STX3: variants seen among roughly 807,000 people sequenced by gnomAD.
STX3 encodes syntaxin 3.
Under a neutral mutation model 40.2 loss-of-function variants are expected in STX3, and 19 were observed. The ratio of observed to expected loss-of-function variants is 0.47; its 90% CI spans 0.33 to 0.69. STX3 has a LOEUF of 0.69. Among genes scored for constraint, STX3 ranks in the 30% least tolerant of loss-of-function variants. STX3 has a pLI of 0.02. For missense variants in STX3, 364 were observed against 366.7 expected (o/e 0.99, Z 0.06); for synonymous variants, 122 against 132.2 (o/e 0.92, Z 0.53).
At chr11:59,756,311 AATGATCATACCCTAGGAATTTGTTGGG>A (rs917444847) in intron 1 of STX3, among the ~76,000 whole-genome samples, 2 of 152,198 alleles carry the variant, frequency 1.3e-5, no homozygotes, top group African/African-American at 4.8e-5. Context: ...ATCAAATGGG[AATGATCATACCCTAGGAATTTGTTGGG>A]AGGATCAGCT....
In STX3 at chr11:59,803,677, TA is replaced by T. The variant is rs1188625277; in HGVS notation, c.*2856del. 6.6e-6 allele frequency among the ~76,000 whole-genome samples: 1 copy of T among 152,224 alleles called. No homozygotes were observed. Among genetic ancestry groups the T allele is most frequent in the African/African-American group, 2.4e-5 (1 of 41,458 alleles). On this transcript the variant is annotated 3_prime_UTR_variant, in exon 11 of 11. Coordinates refer to ENST00000337979, the MANE Select transcript of STX3 (RefSeq NM_004177.5). ...TTTTGGAAGAGGGCCGGCCACACAG[TA>T]AATTCAAATTAAATTTCTTCCCTTT...
At chr11:59,800,132 T>G (rs893329048) in intron 10 of STX3, 1 of 985,310 alleles carries the variant, frequency 1.0e-6, no homozygotes, top group African/African-American at 1.7e-5. Context: ...CCTGCTAAAT[T>G]GCTGAGCAGT....
intron 2 of STX3, among the ~76,000 whole-genome samples, chr11:59,785,970 A>G (rs1252840034): frequency 5.9e-5 from 9 of 152,164 alleles, no homozygotes; most frequent in Admixed American, 1.3e-4. Context: ...GGCTGCAGTC[A>G]AAGCTCACAC....
chr11:59,757,823 A>T (rs556522326), intron 1 of STX3, among the ~76,000 whole-genome samples: 1 of 152,142 alleles, frequency 6.6e-6, no homozygotes, highest in African/African-American at 2.4e-5. Context: ...TGGCGTTATT[A>T]TAGGTTTTTC....
rs1446666768 is a variant in STX3 at position 59,797,346 on chromosome 11, C to G, written c.850C>G (p.Leu284Val). 10 of 1,613,994 alleles carry G rather than the reference C, an allele frequency of 6.2e-6. No homozygotes were observed. The highest frequency in any genetic ancestry group is 8.5e-6 in the Non-Finnish European group (10 of 1,180,024). ...GGGCATTTTAGCATTGATTATTGGA[C>G]TTTCCGTTGGGCTGAATTAAGAGTG... is the stretch of plus-strand genomic sequence containing the variant. ...LLGILALIIG[L>V]SVGLN is the part of the protein sequence containing the mutation. Residue 284 changes from leucine to valine, a missense_variant, in exon 10 of 11, where the codon CTT becomes GTT. Leu to Val is a conservative substitution (Grantham distance 32). Transcript: ENST00000337979.
At chr11:59,762,782 G>A (rs984245027) in intron 1 of STX3, among the ~76,000 whole-genome samples, 2 of 152,140 alleles carry the variant, frequency 1.3e-5, no homozygotes, top group Admixed American at 6.5e-5. Context: ...ATCTCCAGGA[G>A]GAAGAAGAAG....
At chr11:59,781,971 G>T (rs546628331) in intron 2 of STX3, among the ~76,000 whole-genome samples, 13 of 152,310 alleles carry the variant, frequency 8.5e-5, no homozygotes, top group African/African-American at 3.1e-4. Flanking sequence ...TGCTCAACTA[G>T]AGGTACAAGG....
Position 59,803,317 on chromosome 11 carries a change from GA to G in STX3, c.*2494del. 1 of 1,229,004 alleles carries G rather than the reference GA, an allele frequency of 8.1e-7. No homozygotes were observed. Among genetic ancestry groups the G allele is most frequent in the South Asian group, 4.1e-5 (1 of 24,262 alleles). The allele number at this position is 1,229,004 out of a possible 1,614,324, so 76.1% of individuals were successfully genotyped here. ...CTGAAAAAGGTGAGCCATCTGTGGG[GA>G]GGGTCAGACCTTCTTTCACTGACTT... is the stretch of plus-strand genomic sequence containing the variant. On this transcript the variant is annotated 3_prime_UTR_variant, in exon 11 of 11. Transcript: ENST00000337979.
At position 59,801,128 on chromosome 11, in the gene STX3, G is replaced by A. The variant is rs1865869373; in HGVS notation, c.*304G>A. On this transcript the variant is annotated 3_prime_UTR_variant, in exon 11 of 11. Coordinates refer to ENST00000337979, the MANE Select transcript of STX3 (RefSeq NM_004177.5). ...CCAGCTTTCTTCCTCCCTGTTGTGT[G>A]TCAGATTATGCCTTGCACTTGGGAA... 7.4e-7 allele frequency: 1 copy of A among 1,353,370 alleles called. No homozygotes were observed. Among genetic ancestry groups the A allele is most frequent in the African/African-American group, 1.5e-5 (1 of 68,424 alleles). The allele number at this position is 1,353,370 out of a possible 1,614,324, so 83.8% of individuals were successfully genotyped here.
chr11:59,796,426 T>C (rs78558194), intron 9 of STX3, among the ~76,000 whole-genome samples: 5,678 of 152,346 alleles, frequency 0.037, 131 homozygotes, highest in Non-Finnish European at 0.057. Flanking sequence ...TCTTGGGCTC[T>C]GATATTGTTG....
chr11:59,781,216 T>C, intron 2 of STX3: 1 of 794,118 alleles, frequency 1.3e-6, no homozygotes, highest in Non-Finnish European at 2.0e-6. Flanking sequence ...AACACAGTAA[T>C]GAAAAAAAAA....
chr11:59,780,974 G>A (rs904190042), intron 2 of STX3, among the ~76,000 whole-genome samples: 7 of 151,958 alleles, frequency 4.6e-5, no homozygotes, highest in Non-Finnish European at 8.8e-5. Context: ...ATTCATAAAA[G>A]GAGAATTGAA....
rs12276220 is a variant in STX3, at chr11:59,802,750, C to T, written c.*1926C>T. On this transcript the variant is annotated 3_prime_UTR_variant, in exon 11 of 11. Transcript: ENST00000337979. ...GATGCAGAAACACAATGATCTGGTG[C>T]CACCATGTGGTGATTTTTATTCAGG... The T allele has an allele frequency of 1.2e-5, 12 of 985,958 alleles. No homozygotes were observed. Among genetic ancestry groups the T allele is most frequent in the Non-Finnish European group, 1.4e-5 (12 of 830,134 alleles). 61.1% of individuals were successfully genotyped at this position (985,958 alleles called of 1,614,324 possible). A position where few individuals can be genotyped will look rare whatever the true frequency, so the allele number is the denominator to read the frequency against.
chr11:59,803,017 T>C lies in STX3; in HGVS notation c.*2193T>C. The C allele has an allele frequency of 1.0e-6, 1 of 985,412 alleles. No individual in the cohort carries two copies. The highest frequency in any genetic ancestry group is 1.2e-6 in the Non-Finnish European group (1 of 829,932). The allele number at this position is 985,412 out of a possible 1,614,324, so 61.0% of individuals were successfully genotyped here. A position where few individuals can be genotyped will look rare whatever the true frequency, so the allele number is the denominator to read the frequency against. On this transcript the variant is annotated 3_prime_UTR_variant, in exon 11 of 11. Transcript: ENST00000337979. ...TGGAATGACCATACCAAACATCCTT[T>C]TAATCTAACTTGAATGTCTCACCAA...
At chr11:59,783,076 T>TA (rs112662192) in intron 2 of STX3, among the ~76,000 whole-genome samples, 42 of 151,250 alleles carry the variant, frequency 2.8e-4, no homozygotes, top group Admixed American at 2.4e-3. Context: ...CATGGTGATT[T>TA]AAAAAAAAAC....
chr11:59,790,627 C>G (rs746200855), intron 5 of STX3, 41 bp downstream of exon 5: 1 of 1,476,824 alleles, frequency 6.8e-7, no homozygotes, highest in East Asian at 2.3e-5. Context: ...AGTCCAATCT[C>G]TTATTGTTTT....
intron 2 of STX3, among the ~76,000 whole-genome samples, chr11:59,778,010 C>T (rs1419487804): frequency 1.3e-5 from 2 of 152,126 alleles, no homozygotes; most frequent in African/African-American, 2.4e-5. Flanking sequence ...AGTCAGAGCA[C>T]CTACACTTGG....
At chr11:59,784,235 A>G (rs533403189) in intron 2 of STX3, among the ~76,000 whole-genome samples, 8 of 152,362 alleles carry the variant, frequency 5.3e-5, no homozygotes, top group Admixed American at 5.2e-4. Context: ...TGTGACAACC[A>G]ATCTGTTGAA....
At chr11:59,764,625 G>A (rs1183487276) in intron 1 of STX3, among the ~76,000 whole-genome samples, 2 of 152,148 alleles carry the variant, frequency 1.3e-5, no homozygotes, top group Non-Finnish European at 2.9e-5. Context: ...AAGCGAGAGC[G>A]TGTTCACTGA....
Sources: allele counts gnomAD v4.1 joint callset (sites outside exome capture counted in the v4.1 genomes callset), GRCh38; gene constraint gnomAD v4.1.1; transcripts MANE v1.5; gene names NCBI Gene and HGNC (gene_info 2026-07-23, HGNC 2026-07-21).